Variants in SHANK2 observed in about 807,000 individuals in gnomAD.
SHANK2 encodes the protein SH3 and multiple ankyrin repeat domains protein 2.
Under a neutral mutation model 133.7 loss-of-function variants are expected in SHANK2, and 43 were observed. The observed-to-expected ratio is 0.32, with a 90% CI of 0.25 to 0.41. The LOEUF is 0.41. SHANK2 is among the 10% of genes least tolerant of loss of function. The pLI, the probability that SHANK2 is intolerant of heterozygous loss-of-function variation, is 1.00. For missense variants in SHANK2, 1,994 were observed against 2,235.8 expected (o/e 0.89, Z 2.18); for synonymous variants, 1,017 against 952.8 (o/e 1.07, Z -1.24).
At chr11:70,863,306 G>C in intron 11 of SHANK2, 1 of 458,148 alleles carries the variant, frequency 2.2e-6, no homozygotes, top group Non-Finnish European at 4.4e-6. Flanking sequence ...ACCAGAACCT[G>C]AGCTGATGGC....
intron 2 of SHANK2, among the ~76,000 whole-genome samples, chr11:71,201,472 G>A (rs1182947812): frequency 3.3e-5 from 5 of 152,212 alleles, no homozygotes; most frequent in South Asian, 2.1e-4. Context: ...CATGATGGTC[G>A]GAGCTGCTGC....
intron 14 of SHANK2, among the ~76,000 whole-genome samples, chr11:70,771,873 A>T (rs1031375530): frequency 6.6e-6 from 1 of 152,206 alleles, no homozygotes; most frequent in Non-Finnish European, 1.5e-5. Context: ...GGTCTGTGCC[A>T]TCAAGGTGAG....
intron 3 of SHANK2, among the ~76,000 whole-genome samples, chr11:71,140,856 G>T (rs1296942259): frequency 5.3e-5 from 8 of 152,248 alleles, no homozygotes; most frequent in Non-Finnish European, 4.4e-5. Flanking sequence ...CTGCCTGCTG[G>T]CTGCCTTCCT....
chr11:70,873,350 A>G (rs1650336737), intron 11 of SHANK2, among the ~76,000 whole-genome samples: 1 of 152,250 alleles, frequency 6.6e-6, no homozygotes, highest in Non-Finnish European at 1.5e-5. Flanking sequence ...AATCACACCC[A>G]TTCATGAGAC....
At chr11:70,610,070 C>T (rs1040620400) in intron 17 of SHANK2, among the ~76,000 whole-genome samples, 4 of 148,034 alleles carry the variant, frequency 2.7e-5, no homozygotes, top group African/African-American at 1.0e-4. Context: ...GAGCGGCTGC[C>T]AGGAGGTTCG....
chr11:71,147,693 G>A (rs1263065499), intron 2 of SHANK2, among the ~76,000 whole-genome samples: 2 of 152,194 alleles, frequency 1.3e-5, no homozygotes, highest in Admixed American at 6.5e-5. Context: ...GGGCCACTGG[G>A]GCTGTCTGAG....
chr11:70,869,360 T>C (rs1949421918), intron 11 of SHANK2, among the ~76,000 whole-genome samples: 1 of 152,164 alleles, frequency 6.6e-6, no homozygotes, highest in African/African-American at 2.4e-5. Context: ...GGACAATGTA[T>C]CGGTCCACAG....
At chr11:70,527,096 G>T (rs559955081) in intron 17 of SHANK2, among the ~76,000 whole-genome samples, 1 of 152,318 alleles carries the variant, frequency 6.6e-6, no homozygotes, top group African/African-American at 2.4e-5. Flanking sequence ...TCCACATCGT[G>T]CTGGTGTTCT....
At chr11:70,524,263 G>A (rs782225168) in intron 17 of SHANK2, among the ~76,000 whole-genome samples, 6 of 152,224 alleles carry the variant, frequency 3.9e-5, no homozygotes, top group African/African-American at 7.2e-5. Flanking sequence ...TGCCACCATC[G>A]GAGATGGGAA....
intron 14 of SHANK2, among the ~76,000 whole-genome samples, chr11:70,749,300 C>T (rs889867384): frequency 2.6e-5 from 4 of 152,272 alleles, no homozygotes; most frequent in African/African-American, 7.2e-5. Context: ...AGGCTGACCC[C>T]GAAGCACGCA....
At chr11:70,513,949 A>T (rs1251533564) in intron 17 of SHANK2, among the ~76,000 whole-genome samples, 2 of 152,204 alleles carry the variant, frequency 1.3e-5, no homozygotes, top group African/African-American at 4.8e-5. Context: ...AATGAGTCAT[A>T]AAAAATACTT....
At position 70,693,093 on chromosome 11, in the gene SHANK2, A is replaced by G. The variant is rs181315130; in HGVS notation, c.1853+5595T>C. ...CCCCTATCCAATCTAACTCCATCCT[A>G]CCCCTCAGTTCCATCCACCTCTCTA... On this transcript the variant is annotated intron_variant, in intron 15 of 25. Coordinates refer to ENST00000601538, the MANE Select transcript of SHANK2 (RefSeq NM_012309.5). Among the ~76,000 whole-genome samples the G allele has an allele frequency of 7.3e-5, 11 of 151,578 alleles. No homozygotes were observed. In the East Asian group the frequency reaches 2.1e-3, roughly 30 times the overall value.
At chr11:70,911,203 T>C in intron 10 of SHANK2, 1 of 456,274 alleles carries the variant, frequency 2.2e-6, no homozygotes, top group Non-Finnish European at 4.4e-6. Flanking sequence ...GTTGGATGAG[T>C]TTTTTTGTTG....
chr11:71,149,200 G>A (rs1441890921), intron 2 of SHANK2, among the ~76,000 whole-genome samples: 1 of 152,200 alleles, frequency 6.6e-6, no homozygotes, highest in Admixed American at 6.5e-5. Context: ...GAAGACGATG[G>A]AGGAAAAGCA....
intron 14 of SHANK2, among the ~76,000 whole-genome samples, chr11:70,746,467 A>G (rs1946640204): frequency 1.4e-5 from 2 of 143,098 alleles, no homozygotes; most frequent in Admixed American, 6.9e-5. Flanking sequence ...TCTCCAGGAC[A>G]GGGAAGGCTG....
chr11:70,845,215 A>AG (rs1465301081), intron 11 of SHANK2, among the ~76,000 whole-genome samples: 28 of 149,350 alleles, frequency 1.9e-4, no homozygotes, highest in African/African-American at 6.3e-4. Context: ...AAAAAAAAAA[A>AG]AAAAGAAAAA....
rs140089721 is a variant in SHANK2, at chr11:70,909,446, T to C, written c.1108-12879A>G. Among the ~76,000 whole-genome samples, 313 of 152,278 alleles carry C rather than the reference T, an allele frequency of 2.1e-3. 1 individual carries two copies. The highest frequency in any genetic ancestry group is 7.4e-3 in the African/African-American group (307 of 41,560). On this transcript the variant is annotated intron_variant, in intron 10 of 25. Coordinates refer to ENST00000601538, the MANE Select transcript of SHANK2 (RefSeq NM_012309.5). ...ATGAGGAGAGTGATCAAGCTGATCA[T>C]AATGATAACTACCCATGTTTACCCA... is the stretch of plus-strand genomic sequence containing the variant.
intron 17 of SHANK2, among the ~76,000 whole-genome samples, chr11:70,575,179 C>A (rs184464743): frequency 6.6e-6 from 1 of 152,122 alleles, no homozygotes; most frequent in Admixed American, 6.5e-5. Flanking sequence ...GCCACCCAGG[C>A]GGGCAGCAGA....
intron 14 of SHANK2, among the ~76,000 whole-genome samples, chr11:70,787,219 C>T (rs1288749422): frequency 2.0e-5 from 3 of 149,348 alleles, no homozygotes; most frequent in Non-Finnish European, 4.5e-5. Context: ...CCATGACCAC[C>T]ACCACTAGGA....
Sources: gnomAD v4.1 joint callset for allele counts (sites outside exome capture counted in the v4.1 genomes callset) on GRCh38, gnomAD v4.1.1 for gene constraint, MANE v1.5 for transcripts, NCBI Gene and HGNC (gene_info 2026-07-23, HGNC 2026-07-21) for gene names.